Variants in RASGRF1 observed in about 807,000 individuals in gnomAD.
The protein encoded by RASGRF1 is ras-specific guanine nucleotide-releasing factor 1.
RASGRF1 carries 40 observed loss-of-function variants against 138.7 expected under a neutral mutation model. The observed-to-expected ratio is 0.29, with a 90% CI of 0.22 to 0.38. The LOEUF (loss-of-function observed/expected upper bound fraction) is 0.38, where lower values mean the gene tolerates loss of function less well. Ranked by LOEUF, RASGRF1 falls within the 10% of genes least tolerant of loss-of-function variation. The pLI is 1.00. For missense variants in RASGRF1, 1,108 were observed against 1,650.4 expected, an observed-to-expected ratio of 0.67 and a Z score of 5.69; for synonymous variants, 614 against 663.2, an observed-to-expected ratio of 0.93 and a Z score of 1.14.
intron 21 of RASGRF1, 44 bp from the exon 22 acceptor site, chr15:78,990,317 G>C (rs2056243037): frequency 1.5e-6 from 2 of 1,335,640 alleles, no homozygotes; most frequent in African/African-American, 2.9e-5. Flanking sequence ...GGTGAGGTTT[G>C]CCTTGCTGAT....
intron 20 of RASGRF1, 21 bp from the exon 21 acceptor site, chr15:78,991,815 C>A: frequency 1.3e-6 from 2 of 1,595,688 alleles, no homozygotes; most frequent in Non-Finnish European, 1.7e-6. Flanking sequence ...GTTGGGGGAG[C>A]AACATTTTGA....
At chr15:79,075,501 A>C (rs1366617414) in intron 1 of RASGRF1, among the ~76,000 whole-genome samples, 1 of 152,048 alleles carries the variant, frequency 6.6e-6, no homozygotes, top group Non-Finnish European at 1.5e-5. Context: ...AGCTGGATCT[A>C]CTTCCCCTCT....
At position 79,015,312 on chromosome 15, in the gene RASGRF1, G is replaced by C. The variant is rs754731250; in HGVS notation, c.1826+15C>G. 3.7e-6 allele frequency: 6 copies of C among 1,606,962 alleles called. No individual in the cohort carries two copies. Among genetic ancestry groups the C allele is most frequent in the Non-Finnish European group, 5.1e-6 (6 of 1,173,430 alleles). Reference sequence around the variant, plus strand: ...TGGAATGCTGCCTGGTCAAGATGGGGTTAAGGGCACTTACTTGATCATCTG... The same window carrying C: ...TGGAATGCTGCCTGGTCAAGATGGGCTTAAGGGCACTTACTTGATCATCTG... On this transcript the variant is annotated intron_variant, in intron 13 of 26. Transcript: ENST00000558480.
At chr15:79,064,283 G>T in intron 2 of RASGRF1, 137 bp downstream of exon 2, 1 of 779,782 alleles carries the variant, frequency 1.3e-6, no homozygotes, top group Non-Finnish European at 2.1e-6. Context: ...GGTGGACCCT[G>T]CCAAGAGATG....
chr15:79,019,316 CAA>C (rs1402362950), intron 11 of RASGRF1, among the ~76,000 whole-genome samples: 4 of 152,172 alleles, frequency 2.6e-5, no homozygotes, highest in African/African-American at 9.7e-5. Context: ...TTGGCCCAAT[CAA>C]GAGAGAGTAG....
chr15:78,963,271 C>T (rs1041312804), intron 26 of RASGRF1, among the ~76,000 whole-genome samples: 20 of 152,184 alleles, frequency 1.3e-4, no homozygotes, highest in Admixed American at 1.0e-3. Flanking sequence ...CATTTTTCCC[C>T]GCTACATAAA....
chr15:79,023,978 C>G (rs2057004746), intron 10 of RASGRF1, among the ~76,000 whole-genome samples: 2 of 151,066 alleles, frequency 1.3e-5, no homozygotes, highest in South Asian at 4.2e-4. Context: ...CACAGACACA[C>G]AAACACATAT....
At chr15:78,969,418 C>T (rs1388224545) in intron 26 of RASGRF1, among the ~76,000 whole-genome samples, 1 of 152,194 alleles carries the variant, frequency 6.6e-6, no homozygotes, top group Non-Finnish European at 1.5e-5. Flanking sequence ...TGCCTGTAAT[C>T]CCAGCACTTT....
intron 6 of RASGRF1, among the ~76,000 whole-genome samples, chr15:79,034,535 T>C (rs566962995): frequency 6.6e-6 from 1 of 152,136 alleles, no homozygotes; most frequent in Non-Finnish European, 1.5e-5. Context: ...CTTCTAACAA[T>C]AAAAAATTGG....
rs939306812 is a variant in RASGRF1, at chr15:79,041,380, G to A, written c.878+5366C>T. On this transcript the variant is annotated intron_variant, in intron 5 of 26. Transcript: ENST00000558480. Reference sequence around the variant, plus strand: ...ACAGCTGGTGCAGCTGTAATCTATGGCCTTGTCCCCATTCATATTGAACAG... The same window carrying A: ...ACAGCTGGTGCAGCTGTAATCTATGACCTTGTCCCCATTCATATTGAACAG... 2.0e-5 allele frequency among the ~76,000 whole-genome samples: 3 copies of A among 152,178 alleles called. No individual in the cohort carries two copies. In the South Asian group the frequency reaches 6.2e-4, roughly 31 times the overall value.
chr15:79,007,723 T>C (rs1428715662), intron 13 of RASGRF1, among the ~76,000 whole-genome samples: 1 of 151,822 alleles, frequency 6.6e-6, no homozygotes, highest in Non-Finnish European at 1.5e-5. Flanking sequence ...CGCTAATTTT[T>C]GTATTTTTTG....
chr15:79,058,320 C>A lies in RASGRF1; in HGVS notation c.531+14G>T, dbSNP rs368456603. On this transcript the variant is annotated intron_variant, in intron 3 of 26. Coordinates refer to ENST00000558480, the MANE Select transcript of RASGRF1 (RefSeq NM_001145648.3). Reference sequence around the variant, plus strand: ...GTGCCTAGGGCCTGGGCCCACCCCCCAGCCCGCAGTCACCTCTGCCTTCAG... The same window carrying A: ...GTGCCTAGGGCCTGGGCCCACCCCCAAGCCCGCAGTCACCTCTGCCTTCAG... The A allele has an allele frequency of 3.1e-6, 5 of 1,610,578 alleles. No homozygotes were observed. The highest frequency in any genetic ancestry group is 2.7e-5 in the African/African-American group (2 of 74,916).
chr15:79,013,891 C>G (rs1180862597), intron 13 of RASGRF1, among the ~76,000 whole-genome samples: 1 of 152,150 alleles, frequency 6.6e-6, no homozygotes, highest in Admixed American at 6.5e-5. Context: ...TTTGGTTTTT[C>G]TGGTTTTTGA....
rs540212437 is a variant in RASGRF1, at chr15:79,011,201, G to A, written c.1826+4126C>T. ...ACAGAATAAAGCCCCACTCCTTGCC[G>A]GTCGCGTTACCGTGATCTGACCCTT... On this transcript the variant is annotated intron_variant, in intron 13 of 26. Coordinates refer to ENST00000558480, the MANE Select transcript of RASGRF1 (RefSeq NM_001145648.3). Among the ~76,000 whole-genome samples the A allele has an allele frequency of 4.6e-5, 7 of 152,130 alleles. No homozygotes were observed. In the South Asian group the frequency reaches 8.3e-4, roughly 18 times the overall value.
chr15:78,984,949 C>A, intron 23 of RASGRF1, 58 bp downstream of exon 23: 1 of 1,561,690 alleles, frequency 6.4e-7, no homozygotes, highest in East Asian at 2.3e-5. Context: ...CACGGGTCTT[C>A]CTGCCCTAGC....
At chr15:79,020,850 T>G (rs2140980983) in intron 10 of RASGRF1, among the ~76,000 whole-genome samples, 1 of 152,352 alleles carries the variant, frequency 6.6e-6, no homozygotes, top group Non-Finnish European at 1.5e-5. Context: ...CCCTTCCTCT[T>G]GAGTGTGAGC....
chr15:79,066,024 T>C (rs531010798), intron 1 of RASGRF1, among the ~76,000 whole-genome samples: 7 of 151,904 alleles, frequency 4.6e-5, no homozygotes, highest in African/African-American at 1.4e-4. Context: ...ACTGGGGCTA[T>C]AGAATGAAAT....
intron 26 of RASGRF1, among the ~76,000 whole-genome samples, chr15:78,967,978 GAATAA>G (rs1274470743): frequency 2.0e-5 from 3 of 152,016 alleles, no homozygotes; most frequent in Admixed American, 6.6e-5. Flanking sequence ...AAGTTTTAAT[GAATAA>G]AATAATCTTT....
rs369160842 is a variant in RASGRF1 at position 79,070,561 on chromosome 15, A to G, written c.277-6035T>C. On this transcript the variant is annotated intron_variant, in intron 1 of 26. Transcript: ENST00000558480. ...GGCATTGTGTTATCTGGGAAATGCT[A>G]TTGTTGGTAATACTTGCTAGCTGTG... is the stretch of plus-strand genomic sequence containing the variant. Among the ~76,000 whole-genome samples, 13 of 152,248 alleles carry G rather than the reference A, an allele frequency of 8.5e-5. No individual in the cohort carries two copies. The East Asian group carries it at 1.5e-3, about 18-fold the overall frequency.
Sources: allele counts gnomAD v4.1 joint callset (sites outside exome capture counted in the v4.1 genomes callset), GRCh38; gene constraint gnomAD v4.1.1; transcripts MANE v1.5; gene names NCBI Gene and HGNC (gene_info 2026-07-23, HGNC 2026-07-21).